Variants in NME7 observed in about 807,000 individuals in gnomAD.
NME7 encodes the protein nucleoside diphosphate kinase 7.
A neutral mutation model predicts 49.1 loss-of-function variants in NME7; 41 were observed. The ratio of observed to expected loss-of-function variants is 0.83; its 90% CI spans 0.65 to 1.08. NME7 has a LOEUF of 1.08. Ranked by LOEUF, NME7 falls within the 50% of genes least tolerant of loss-of-function variation. The pLI is 0.00. For synonymous variants in NME7, 139 were observed against 150.6 expected (o/e 0.92, Z 0.56); for missense variants, 423 against 463.4 (o/e 0.91, Z 0.80).
rs182238849 is a variant in NME7, at chr1:169,244,157, T to C, written c.755-6470A>G. 2.6e-5 allele frequency among the ~76,000 whole-genome samples: 4 copies of C among 152,300 alleles called. No individual in the cohort carries two copies. In the East Asian group the frequency reaches 7.7e-4, roughly 29 times the overall value. Reference sequence around the variant, plus strand: ...CAGAGATGGTTATAGAATGTATATGTAGTAAATTCTGAATTGTTCAGAGGA... The same window carrying C: ...CAGAGATGGTTATAGAATGTATATGCAGTAAATTCTGAATTGTTCAGAGGA... On this transcript the variant is annotated intron_variant, in intron 7 of 11. Coordinates refer to ENST00000367811, the MANE Select transcript of NME7 (RefSeq NM_013330.5).
chr1:169,288,454 C>G (rs1650363885), intron 6 of NME7, among the ~76,000 whole-genome samples: 1 of 152,064 alleles, frequency 6.6e-6, no homozygotes, highest in African/African-American at 2.4e-5. Flanking sequence ...TCACCTCTTG[C>G]AAATACTGCA....
intron 11 of NME7, among the ~76,000 whole-genome samples, chr1:169,157,582 C>T (rs1659115411): frequency 6.6e-6 from 1 of 152,206 alleles, no homozygotes; most frequent in African/African-American, 2.4e-5. Flanking sequence ...CCCAAAAAAT[C>T]TGGGTAATCA....
At chr1:169,345,844 GAAATCCTGCTCCCAGCCCCCTA>G (rs1476386084) in intron 1 of NME7, among the ~76,000 whole-genome samples, 1 of 152,088 alleles carries the variant, frequency 6.6e-6, no homozygotes, top group Non-Finnish European at 1.5e-5. Flanking sequence ...GCCCCAAGTT[GAAATCCTGCTCCCAGCCCCCTA>G]ACACAAATTG....
At chr1:169,356,457 C>A (rs73036830) in intron 1 of NME7, among the ~76,000 whole-genome samples, 3,801 of 151,272 alleles carry the variant, frequency 0.025, 134 homozygotes, top group African/African-American at 0.085. Context: ...GCATTTCAGG[C>A]AAATGGAATA....
intron 10 of NME7, among the ~76,000 whole-genome samples, chr1:169,228,462 G>C: frequency 6.6e-6 from 1 of 151,756 alleles, no homozygotes; most frequent in African/African-American, 2.4e-5. Flanking sequence ...TGGATCATGA[G>C]GTCAGGAGAT....
At chr1:169,285,090 C>T (rs944448215) in intron 7 of NME7, 4 of 152,056 alleles carry the variant, frequency 2.6e-5, no homozygotes, top group African/African-American at 9.6e-5. Context: ...TGTGTGTGTA[C>T]AGGTTGAATA....
chr1:169,160,025 C>T (rs753405344), intron 11 of NME7, among the ~76,000 whole-genome samples: 2 of 152,170 alleles, frequency 1.3e-5, no homozygotes, highest in Non-Finnish European at 2.9e-5. Context: ...CTGATCTCCA[C>T]TCCACACTGG....
At chr1:169,191,828 G>GA (rs34364140) in intron 10 of NME7, among the ~76,000 whole-genome samples, 3,368 of 148,086 alleles carry the variant, frequency 0.023, 114 homozygotes, top group African/African-American at 0.075. Context: ...TCCTTTTTCT[G>GA]AAAAAAAAAA....
At chr1:169,287,187 GA>G in intron 7 of NME7, 115 bp downstream of exon 7, 50 of 877,736 alleles carry the variant, frequency 5.7e-5, no homozygotes, top group South Asian at 6.4e-5. Flanking sequence ...TGCCTTCAAA[GA>G]AAAAAAATGG....
chr1:169,255,449 A>C (rs1220862522), intron 7 of NME7, among the ~76,000 whole-genome samples: 1 of 113,816 alleles, frequency 8.8e-6, no homozygotes, highest in African/African-American at 3.1e-5. Flanking sequence ...TTTTGAGCCT[A>C]TGTGTGTCTC....
At chr1:169,330,134 C>A (rs1014414273) in intron 1 of NME7, among the ~76,000 whole-genome samples, 1 of 152,056 alleles carries the variant, frequency 6.6e-6, no homozygotes, top group Non-Finnish European at 1.5e-5. Context: ...AAGACTTTCC[C>A]AGACAAACAG....
At chr1:169,133,546 G>A (rs1571232619) in intron 11 of NME7, among the ~76,000 whole-genome samples, 2 of 152,108 alleles carry the variant, frequency 1.3e-5, no homozygotes, top group Admixed American at 6.6e-5. Flanking sequence ...TCTATTTCTC[G>A]TTTTGCTATT....
intron 9 of NME7, among the ~76,000 whole-genome samples, chr1:169,232,418 C>A (rs543587149): frequency 4.9e-4 from 75 of 152,030 alleles, no homozygotes; most frequent in African/African-American, 1.8e-3. Flanking sequence ...TAAAAACTTT[C>A]CAAATTTGCT....
At chr1:169,195,717 T>C (rs1660360171) in intron 10 of NME7, among the ~76,000 whole-genome samples, 1 of 152,206 alleles carries the variant, frequency 6.6e-6, no homozygotes, top group Non-Finnish European at 1.5e-5. Context: ...AATGGACATT[T>C]AATTCATCTT....
chr1:169,195,736 A>C (rs894194701), intron 10 of NME7, among the ~76,000 whole-genome samples: 19 of 152,070 alleles, frequency 1.2e-4, no homozygotes, highest in African/African-American at 4.3e-4. Context: ...TTTTACTAAC[A>C]CTCATTCTCT....
At chr1:169,241,139 T>C (rs1231807196) in intron 7 of NME7, among the ~76,000 whole-genome samples, 1 of 152,108 alleles carries the variant, frequency 6.6e-6, no homozygotes, top group African/African-American at 2.4e-5. Flanking sequence ...TATGTGTACT[T>C]CACATTACTT....
chr1:169,217,234 T>C (rs1660995984), intron 10 of NME7, among the ~76,000 whole-genome samples: 1 of 152,224 alleles, frequency 6.6e-6, no homozygotes, highest in Non-Finnish European at 1.5e-5. Flanking sequence ...AGAAGACTTC[T>C]ATATTCCTAA....
chr1:169,317,985 G>A (rs549110091), intron 3 of NME7, among the ~76,000 whole-genome samples: 7 of 152,282 alleles, frequency 4.6e-5, no homozygotes, highest in South Asian at 2.1e-4. Context: ...AAGGGATAGC[G>A]TATTGTTCTC....
chr1:169,338,660 T>C (rs1335725878), intron 1 of NME7, among the ~76,000 whole-genome samples: 1 of 152,166 alleles, frequency 6.6e-6, no homozygotes, highest in African/African-American at 2.4e-5. Flanking sequence ...GAAACCTCTC[T>C]AAAAAGGTTG....
Sources: gnomAD v4.1 joint callset for allele counts (sites outside exome capture counted in the v4.1 genomes callset) on GRCh38, gnomAD v4.1.1 for gene constraint, MANE v1.5 for transcripts, NCBI Gene and HGNC (gene_info 2026-07-23, HGNC 2026-07-21) for gene names.